ABCA9: variants seen among roughly 807,000 people sequenced by gnomAD.
The protein encoded by ABCA9 is ATP binding cassette subfamily A member 9.
Under a neutral mutation model 205.3 loss-of-function variants are expected in ABCA9, and 183 were observed. The ratio of observed to expected loss-of-function variants is 0.89; its 90% CI spans 0.79 to 1.01. The LOEUF (loss-of-function observed/expected upper bound fraction) is 1.01, where lower values mean the gene tolerates loss of function less well. Among genes scored for constraint, ABCA9 ranks in the 50% least tolerant of loss-of-function variants. The pLI is 0.00. For missense variants in ABCA9, 1,805 were observed against 1,912.4 expected (o/e 0.94, Z 1.05); for synonymous variants, 651 against 683.3 (o/e 0.95, Z 0.74).
At chr17:69,001,823 A>G (rs1024306701) in intron 25 of ABCA9, among the ~76,000 whole-genome samples, 57 of 152,124 alleles carry the variant, frequency 3.7e-4, no homozygotes, top group Non-Finnish European at 6.9e-4. Context: ...CAGAGATTCA[A>G]CTTCTTTCTG....
intron 16 of ABCA9, 132 bp from the exon 17 acceptor site, chr17:69,024,485 G>A (rs1324248249): frequency 2.4e-6 from 2 of 844,290 alleles, no homozygotes; most frequent in Non-Finnish European, 3.5e-6. Flanking sequence ...ACTGGACAAA[G>A]TAAGATGTAA....
chr17:68,989,962 T>C (rs1440112451), intron 29 of ABCA9, 32 bp from the exon 30 acceptor site: 2 of 1,458,314 alleles, frequency 1.4e-6, no homozygotes, highest in African/African-American at 1.4e-5. Context: ...AACGGGACTT[T>C]ATTCGCATCT....
At chr17:69,056,356 T>G (rs2072070176) in intron 1 of ABCA9, among the ~76,000 whole-genome samples, 1 of 152,072 alleles carries the variant, frequency 6.6e-6, no homozygotes, top group Non-Finnish European at 1.5e-5. Flanking sequence ...TCATAGACAT[T>G]AAGAGGACAA....
intron 25 of ABCA9, among the ~76,000 whole-genome samples, chr17:69,005,933 T>C (rs1445965538): frequency 6.6e-6 from 1 of 152,226 alleles, no homozygotes; most frequent in Non-Finnish European, 1.5e-5. Context: ...ATTTAAGACT[T>C]TAGGTCTAGA....
At chr17:69,022,646 G>A (rs2070857182) in intron 17 of ABCA9, among the ~76,000 whole-genome samples, 1 of 152,018 alleles carries the variant, frequency 6.6e-6, no homozygotes, top group South Asian at 2.1e-4. Context: ...GGGATTACAG[G>A]CATGGGCCAC....
At chr17:69,014,307 TAA>T (rs1463607193) in intron 22 of ABCA9, among the ~76,000 whole-genome samples, 3 of 152,092 alleles carry the variant, frequency 2.0e-5, no homozygotes, top group Non-Finnish European at 4.4e-5. Flanking sequence ...CAGAGTTTAT[TAA>T]AAACATTGAA....
chr17:69,025,922 C>T (rs993836310), intron 16 of ABCA9, among the ~76,000 whole-genome samples: 2 of 151,722 alleles, frequency 1.3e-5, no homozygotes, highest in South Asian at 2.1e-4. Context: ...GTACCTAAAA[C>T]ATAGCCAATA....
At chr17:69,016,485 TATA>T (rs2070619559) in intron 21 of ABCA9, 95 bp from the exon 22 acceptor site, 4 of 1,159,624 alleles carry the variant, frequency 3.4e-6, no homozygotes, top group East Asian at 2.7e-5. Flanking sequence ...TTACTGATAA[TATA>T]ATAAGTCCCA....
At chr17:69,001,600 C>T (rs930631914) in intron 25 of ABCA9, among the ~76,000 whole-genome samples, 48 of 151,562 alleles carry the variant, frequency 3.2e-4, no homozygotes, top group African/African-American at 1.0e-3. Context: ...TGTCTCTGCC[C>T]GGCTTTGGTA....
intron 1 of ABCA9, among the ~76,000 whole-genome samples, chr17:69,058,887 G>A (rs1345569979): frequency 6.6e-6 from 1 of 151,934 alleles, no homozygotes; most frequent in East Asian, 1.9e-4. Flanking sequence ...AAAGGAAAGA[G>A]GTTTAACTGA....
At chr17:69,003,630 C>T (rs1362605994) in intron 25 of ABCA9, among the ~76,000 whole-genome samples, 15 of 147,198 alleles carry the variant, frequency 1.0e-4, no homozygotes, top group African/African-American at 3.3e-4. Flanking sequence ...ATCTTTGTGG[C>T]GTTCTCTGTA....
intron 2 of ABCA9, 130 bp downstream of exon 2, chr17:69,050,901 A>T: frequency 1.4e-6 from 1 of 739,310 alleles, no homozygotes; most frequent in Non-Finnish European, 1.9e-6. Flanking sequence ...AGAATTTGAA[A>T]AAAAATCTAG....
intron 29 of ABCA9, among the ~76,000 whole-genome samples, 173 bp downstream of exon 29, chr17:68,990,664 T>C (rs1470750188): frequency 6.6e-6 from 1 of 152,220 alleles, no homozygotes; most frequent in Non-Finnish European, 1.5e-5. Flanking sequence ...TTGTGTGTGT[T>C]TTCTTTGCTC....
Position 69,027,729 on chromosome 17 carries a change from T to C in ABCA9, c.1702A>G (p.Asn568Asp). ...SKFTGFCPQS[N>D]VQFGFLTVKE... ...ACAGTGAGAAATCCAAATTGCACAT[T>C]GGATTGTGGACAAAATCCAGTGAAC... The change falls in exon 13 of 39, where the codon AAT (asparagine) becomes GAT (aspartate). Residue 568 changes from asparagine (N) to aspartate (D), a missense_variant. Asn to Asp is a conservative substitution (Grantham distance 23). Transcript: ENST00000340001. 3 of 1,613,324 alleles carry C rather than the reference T, an allele frequency of 1.9e-6. No homozygotes were observed. The highest frequency in any genetic ancestry group is 2.5e-6 in the Non-Finnish European group (3 of 1,179,634).
intron 3 of ABCA9, among the ~76,000 whole-genome samples, chr17:69,048,505 A>G (rs1004236129): frequency 3.3e-5 from 5 of 152,158 alleles, no homozygotes; most frequent in African/African-American, 1.2e-4. Context: ...CTGGAATGAC[A>G]AGGTTCTTCA....
At chr17:68,996,269 A>G (rs1052484226) in intron 25 of ABCA9, among the ~76,000 whole-genome samples, 3 of 152,220 alleles carry the variant, frequency 2.0e-5, no homozygotes, top group Non-Finnish European at 4.4e-5. Flanking sequence ...GACTCTTGCT[A>G]AAATTTAGAT....
In ABCA9 at chr17:68,995,968, A is replaced by T. The variant is rs1390006182; in HGVS notation, c.3482T>A (p.Phe1161Tyr). 2 of 1,613,826 alleles carry T rather than the reference A, an allele frequency of 1.2e-6. No homozygotes were observed. Among genetic ancestry groups the T allele is most frequent in the East Asian group, 4.5e-5 (2 of 44,870 alleles). Residue 1161 changes from phenylalanine (F) to tyrosine (Y), a missense_variant, in exon 26 of 39, where the codon TTT becomes TAT. By Grantham distance (22) the Phe-to-Tyr change is conservative (BLOSUM62 3). Transcript: ENST00000340001. ...IVATDLNEYG[F>Y]LGLFFGTMLI... ...CATGGTGCCAAAAAATAGCCCTAGA[A>T]ATCCATATTCATTTAGATCAGTAGC...
chr17:69,037,914 C>G (rs1485587889), intron 6 of ABCA9, among the ~76,000 whole-genome samples: 1 of 152,136 alleles, frequency 6.6e-6, no homozygotes, highest in Non-Finnish European at 1.5e-5. Context: ...GAAATACAAA[C>G]TACCATCGGA....
chr17:68,998,685 ATCTTT>A (rs1312733556), intron 25 of ABCA9, among the ~76,000 whole-genome samples: 1 of 152,070 alleles, frequency 6.6e-6, no homozygotes, highest in Non-Finnish European at 1.5e-5. Flanking sequence ...TTGTATTTAC[ATCTTT>A]TCTTATTGTT....
Sources: allele counts gnomAD v4.1 joint callset (sites outside exome capture counted in the v4.1 genomes callset), GRCh38; gene constraint gnomAD v4.1.1; transcripts MANE v1.5; gene names NCBI Gene and HGNC (gene_info 2026-07-23, HGNC 2026-07-21).